SGCD: variants seen among roughly 807,000 people sequenced by gnomAD.
SGCD encodes the protein delta-sarcoglycan.
SGCD carries 18 observed loss-of-function variants against 36.6 expected under a neutral mutation model. That is an observed-to-expected ratio of 0.49 (90% CI 0.34 to 0.73). The LOEUF (loss-of-function observed/expected upper bound fraction) is 0.73, where lower values mean the gene tolerates loss of function less well. SGCD is among the 30% of genes least tolerant of loss of function. The pLI, the probability that SGCD is intolerant of heterozygous loss-of-function variation, is 0.01. For missense variants in SGCD, 387 were observed against 346.7 expected (o/e 1.12, Z -0.92); for synonymous variants, 133 against 130.6 (o/e 1.02, Z -0.12).
chr5:156,132,618 A>G (rs1262364303), intron 3 of SGCD, among the ~76,000 whole-genome samples: 2 of 150,018 alleles, frequency 1.3e-5, no homozygotes, highest in African/African-American at 2.5e-5. Flanking sequence ...ACAGGCGCCC[A>G]CCACCACGCC....
chr5:155,777,239 A>C, the SGCD span, among the ~76,000 whole-genome samples: 1 of 152,312 alleles, frequency 6.6e-6, no homozygotes, highest in Admixed American at 6.5e-5. Flanking sequence ...AATTTGGTCC[A>C]GTATATAACC....
At chr5:156,585,010 A>G (rs1052652527) in intron 4 of SGCD, among the ~76,000 whole-genome samples, 1 of 152,244 alleles carries the variant, frequency 6.6e-6, no homozygotes, top group Non-Finnish European at 1.5e-5. Context: ...CAGTGGTGAC[A>G]GATGAACATG....
the SGCD span, among the ~76,000 whole-genome samples, chr5:155,845,051 G>A: frequency 6.6e-5 from 10 of 151,834 alleles, no homozygotes; most frequent in African/African-American, 9.7e-5. Flanking sequence ...GACAGGCCCC[G>A]GTGTGTGATA....
chr5:155,824,012 T>C, the SGCD span, among the ~76,000 whole-genome samples: 1 of 152,214 alleles, frequency 6.6e-6, no homozygotes, highest in Non-Finnish European at 1.5e-5. Flanking sequence ...AAAAGTCAGA[T>C]TAACAAGGCT....
chr5:155,906,213 T>C (rs769654368), intron 1 of SGCD, among the ~76,000 whole-genome samples: 5 of 152,106 alleles, frequency 3.3e-5, no homozygotes, highest in Non-Finnish European at 5.9e-5. Context: ...TGATGAATGT[T>C]GTATGTGTTC....
intron 7 of SGCD, among the ~76,000 whole-genome samples, chr5:156,703,647 T>C (rs1561866089): frequency 1.3e-5 from 2 of 152,212 alleles, no homozygotes; most frequent in South Asian, 4.1e-4. Context: ...ACATTTATTA[T>C]GTACCTAGCT....
intron 3 of SGCD, among the ~76,000 whole-genome samples, chr5:156,180,401 CA>C (rs35733097): frequency 0.29 from 44,613 of 151,734 alleles, 7,005 homozygotes; most frequent in East Asian, 0.57. Context: ...CATAAGAACT[CA>C]AAAAAATAAA....
At chr5:156,459,725 G>A (rs1258756571) in intron 3 of SGCD, among the ~76,000 whole-genome samples, 2 of 152,144 alleles carry the variant, frequency 1.3e-5, no homozygotes, top group African/African-American at 4.8e-5. Context: ...TGACTTAACT[G>A]TTTTCAGTGA....
chr5:156,009,899 AT>A (rs1238159720), intron 1 of SGCD, among the ~76,000 whole-genome samples: 1 of 152,198 alleles, frequency 6.6e-6, no homozygotes, highest in African/African-American at 2.4e-5. Flanking sequence ...CTAAATAGAC[AT>A]TTTTAAAAAA....
chr5:156,725,050 G>A (rs1165056437), intron 7 of SGCD, among the ~76,000 whole-genome samples: 1 of 152,202 alleles, frequency 6.6e-6, no homozygotes, highest in Non-Finnish European at 1.5e-5. Context: ...ACTAAGGGTG[G>A]CGATGCCACT....
At chr5:156,033,878 C>G (rs1009836203) in intron 1 of SGCD, among the ~76,000 whole-genome samples, 1 of 152,062 alleles carries the variant, frequency 6.6e-6, no homozygotes, top group Non-Finnish European at 1.5e-5. Context: ...CTCACATTGC[C>G]CATTTTTGCA....
At chr5:155,820,713 T>G in the SGCD span, among the ~76,000 whole-genome samples, 3 of 152,068 alleles carry the variant, frequency 2.0e-5, no homozygotes, top group Admixed American at 1.3e-4. Flanking sequence ...AAAATAATAA[T>G]AAATAAAATA....
chr5:156,719,547 G>GT (rs2113775579), intron 7 of SGCD, among the ~76,000 whole-genome samples: 1 of 152,264 alleles, frequency 6.6e-6, no homozygotes, highest in South Asian at 2.1e-4. Flanking sequence ...CCTAACTGCT[G>GT]TATCTAGCAC....
chr5:156,694,394 T>C (rs532729831), intron 7 of SGCD, among the ~76,000 whole-genome samples: 2 of 152,346 alleles, frequency 1.3e-5, no homozygotes, highest in East Asian at 1.9e-4. Context: ...ATCTGAACAA[T>C]AGCCAACTCG....
At chr5:156,226,035 A>ATT (rs1257678262) in intron 3 of SGCD, among the ~76,000 whole-genome samples, 5 of 152,172 alleles carry the variant, frequency 3.3e-5, no homozygotes, top group African/African-American at 1.2e-4. Flanking sequence ...AATCAGCAAC[A>ATT]TTCTTTTTTT....
chr5:156,129,763 G>T (rs1762266117), intron 3 of SGCD, among the ~76,000 whole-genome samples: 1 of 152,052 alleles, frequency 6.6e-6, no homozygotes. Context: ...TTCCTGTGTT[G>T]GTTTGCTTAG....
In SGCD at chr5:155,975,749, C is replaced by T. The variant is rs1758101207; in HGVS notation, c.-282+105325C>T. ...GGTTCAAGCAGTTCTACTGCTTCAA[C>T]CTCCTGAGTAGCTTGGATTACAGGC... On this transcript the variant is annotated intron_variant, in intron 1 of 9. Coordinates refer to the SGCD transcript ENST00000517913. Among the ~76,000 whole-genome samples, 4 of 147,586 alleles carry T rather than the reference C, an allele frequency of 2.7e-5. No individual in the cohort carries two copies. In the Admixed American group the frequency reaches 2.8e-4, roughly 10 times the overall value.
chr5:156,453,004 A>T (rs1459490106), intron 3 of SGCD, among the ~76,000 whole-genome samples: 2 of 152,170 alleles, frequency 1.3e-5, no homozygotes, highest in Non-Finnish European at 2.9e-5. Context: ...CAATGATTAT[A>T]AACATTCATC....
rs76490160 is a variant in SGCD, at chr5:156,147,684, A to G, written c.-44+23665A>G. On this transcript the variant is annotated intron_variant, in intron 3 of 9. Transcript: ENST00000517913. Reference sequence around the variant, plus strand: ...GAGATGAGAATGCAGGAGGAGAAAGATGAGTCAATAAATAGAAGAGAAAAA... The same window carrying G: ...GAGATGAGAATGCAGGAGGAGAAAGGTGAGTCAATAAATAGAAGAGAAAAA... 1.3e-3 allele frequency among the ~76,000 whole-genome samples: 192 copies of G among 152,346 alleles called. 3 individuals carry two copies. Among genetic ancestry groups the G allele is most frequent in the African/African-American group, 4.5e-3 (188 of 41,584 alleles).
Sources: allele counts gnomAD v4.1 joint callset (sites outside exome capture counted in the v4.1 genomes callset), GRCh38; gene constraint gnomAD v4.1.1; transcripts MANE v1.5; gene names NCBI Gene and HGNC (gene_info 2026-07-23, HGNC 2026-07-21).